The following IGF1R variants were observed in gnomAD, a reference collection of about 807,000 sequenced individuals.
IGF1R encodes insulin-like growth factor 1 receptor.
Under a neutral mutation model 144.6 loss-of-function variants are expected in IGF1R, and 44 were observed. The ratio of observed to expected loss-of-function variants is 0.30; its 90% CI spans 0.24 to 0.39. The LOEUF is 0.39. Ranked by LOEUF, IGF1R falls within the 10% of genes least tolerant of loss-of-function variation. The probability of loss-of-function intolerance (pLI) is 1.00; values close to 1 mark genes in which losing one functional copy is unlikely to be tolerated. For synonymous variants in IGF1R, 795 were observed against 722.8 expected, an observed-to-expected ratio of 1.10 and a Z score of -1.60; for missense variants, 1,355 against 1,833.7, an observed-to-expected ratio of 0.74 and a Z score of 4.77.
intron 2 of IGF1R, among the ~76,000 whole-genome samples, chr15:98,822,322 C>A (rs1359858361): frequency 1.3e-5 from 2 of 152,128 alleles, no homozygotes; most frequent in African/African-American, 4.8e-5. Flanking sequence ...TGTGTTGTCT[C>A]TGGCAGGGAG....
intron 2 of IGF1R, among the ~76,000 whole-genome samples, chr15:98,888,438 A>AGTGAGTGT (rs1555457187): frequency 7.0e-6 from 1 of 143,354 alleles, no homozygotes; most frequent in African/African-American, 2.6e-5. Flanking sequence ...AGAGAGAGAG[A>AGTGAGTGT]GTGTGTGTGT....
chr15:98,927,747 C>T (rs1266213116), intron 13 of IGF1R, among the ~76,000 whole-genome samples: 5 of 152,184 alleles, frequency 3.3e-5, no homozygotes, highest in Non-Finnish European at 7.3e-5. Context: ...TAAAATACTT[C>T]TAATTTTAAA....
intron 1 of IGF1R, among the ~76,000 whole-genome samples, chr15:98,698,110 C>T (rs1262274306): frequency 2.7e-5 from 4 of 150,170 alleles, no homozygotes; most frequent in African/African-American, 4.9e-5. Context: ...GCGATCTTGG[C>T]TCACTGCAAC....
chr15:98,681,681 G>A lies in IGF1R; in HGVS notation c.95-25881G>A, dbSNP rs565738294. ...GCTATTCTTGGGGGAGTTGTGACAT[G>A]GCTTTCATAAAAACTCAGTGGAATT... On this transcript the variant is annotated intron_variant, in intron 1 of 20. Coordinates refer to ENST00000650285, the MANE Select transcript of IGF1R (RefSeq NM_000875.5). 4.3e-4 allele frequency among the ~76,000 whole-genome samples: 65 copies of A among 152,224 alleles called. 3 individuals are homozygous for A. The South Asian group carries it at 0.012, about 29-fold the overall frequency.
intron 2 of IGF1R, among the ~76,000 whole-genome samples, chr15:98,830,627 G>C (rs1389272930): frequency 8.3e-6 from 1 of 120,630 alleles, no homozygotes; most frequent in Non-Finnish European, 1.6e-5. Context: ...TTTTTTAGAT[G>C]GAGTCTCATT....
rs182836151 is a variant in IGF1R at position 98,894,464 on chromosome 15, C to T, written c.954-2293C>T. Among the ~76,000 whole-genome samples the T allele has an allele frequency of 1.3e-3, 196 of 152,280 alleles. 1 individual carries two copies. The highest frequency in any genetic ancestry group is 2.1e-3 in the Non-Finnish European group (144 of 68,030). On this transcript the variant is annotated intron_variant, in intron 3 of 20. Transcript: ENST00000650285. ...TTAGTTAAACTGTGGGACATCCACA[C>T]CATGGAATATTATTACTCAGCAATA...
chr15:98,903,429 C>G (rs545992582), intron 5 of IGF1R, among the ~76,000 whole-genome samples: 38 of 152,202 alleles, frequency 2.5e-4, no homozygotes, highest in Non-Finnish European at 4.9e-4. Context: ...TTTGTAATAC[C>G]TTCTTGGAGC....
At chr15:98,814,518 T>C (rs1241707276) in intron 2 of IGF1R, among the ~76,000 whole-genome samples, 2 of 152,220 alleles carry the variant, frequency 1.3e-5, no homozygotes, top group South Asian at 2.1e-4. Context: ...AGCTAATTTT[T>C]AAATTTTTTG....
intron 2 of IGF1R, among the ~76,000 whole-genome samples, chr15:98,786,372 A>T (rs2055996039): frequency 1.6e-5 from 1 of 63,786 alleles, no homozygotes; most frequent in African/African-American, 3.5e-5. Flanking sequence ...TTAACCAGGG[A>T]GTTAATTTTT....
At chr15:98,747,953 G>C (rs1215260260) in intron 2 of IGF1R, among the ~76,000 whole-genome samples, 2 of 152,164 alleles carry the variant, frequency 1.3e-5, no homozygotes, top group African/African-American at 2.4e-5. Context: ...TGGGAGAGGG[G>C]TGTGGATTCG....
chr15:98,759,337 G>A (rs2055236709), intron 2 of IGF1R, among the ~76,000 whole-genome samples: 1 of 152,216 alleles, frequency 6.6e-6, no homozygotes, highest in African/African-American at 2.4e-5. Flanking sequence ...GGTTAAACCT[G>A]TGTATGTCTG....
chr15:98,781,175 G>GA (rs1198448868), intron 2 of IGF1R, among the ~76,000 whole-genome samples: 14 of 152,292 alleles, frequency 9.2e-5, no homozygotes. Context: ...CTCTAGGTGA[G>GA]AAACTGGAAT....
intron 2 of IGF1R, among the ~76,000 whole-genome samples, chr15:98,836,300 A>G (rs1244575942): frequency 6.6e-6 from 1 of 152,070 alleles, no homozygotes; most frequent in African/African-American, 2.4e-5. Context: ...TGGGAAACCA[A>G]GACAAATCTC....
At chr15:98,765,338 A>G (rs1434860952) in intron 2 of IGF1R, among the ~76,000 whole-genome samples, 2 of 65,620 alleles carry the variant, frequency 3.0e-5, no homozygotes, top group Non-Finnish European at 5.7e-5. Context: ...TTTTTTTTTG[A>G]GACAGTCTCG....
intron 2 of IGF1R, among the ~76,000 whole-genome samples, chr15:98,871,473 A>G (rs1412056661): frequency 6.6e-6 from 1 of 152,152 alleles, no homozygotes; most frequent in African/African-American, 2.4e-5. Flanking sequence ...GAGCTTCTGG[A>G]TCCCTTTGCT....
intron 2 of IGF1R, among the ~76,000 whole-genome samples, chr15:98,723,478 T>C (rs775269227): frequency 5.9e-5 from 9 of 152,206 alleles, no homozygotes; most frequent in Non-Finnish European, 1.2e-4. Flanking sequence ...AAATATTAAA[T>C]TGATTGCATC....
At chr15:98,786,164 G>C (rs1349552573) in intron 2 of IGF1R, among the ~76,000 whole-genome samples, 3 of 152,160 alleles carry the variant, frequency 2.0e-5, no homozygotes. Flanking sequence ...TGAGTATTCA[G>C]TTTCCCCACC....
chr15:98,678,490 G>A (rs1353014478), intron 1 of IGF1R, among the ~76,000 whole-genome samples: 3 of 80,592 alleles, frequency 3.7e-5, no homozygotes, highest in African/African-American at 1.0e-4. Flanking sequence ...CCTGGAGGCT[G>A]ACACTTAAAA....
intron 2 of IGF1R, among the ~76,000 whole-genome samples, chr15:98,732,431 G>C (rs1385723095): frequency 6.6e-6 from 1 of 152,202 alleles, no homozygotes; most frequent in Non-Finnish European, 1.5e-5. Context: ...TGACTTTACA[G>C]GCAGTGACGG....
Sources: allele counts gnomAD v4.1 joint callset (sites outside exome capture counted in the v4.1 genomes callset), GRCh38; gene constraint gnomAD v4.1.1; transcripts MANE v1.5; gene names NCBI Gene and HGNC (gene_info 2026-07-23, HGNC 2026-07-21).